Variants in PPP2R2D observed in about 807,000 individuals in gnomAD.
PPP2R2D encodes protein phosphatase 2 regulatory subunit Bdelta.
Under a neutral mutation model 31.1 loss-of-function variants are expected in PPP2R2D, and 9 were observed. The observed-to-expected ratio is 0.29, with a 90% CI of 0.17 to 0.51. The LOEUF (loss-of-function observed/expected upper bound fraction) is 0.51. Ranked by LOEUF, PPP2R2D falls within the 20% of genes least tolerant of loss-of-function variation. The probability of loss-of-function intolerance (pLI) is 0.98; values close to 1 mark genes in which losing one functional copy is unlikely to be tolerated. For synonymous variants in PPP2R2D, 179 were observed against 172.6 expected, an observed-to-expected ratio of 1.04 and a Z score of -0.29; for missense variants, 391 against 465.6, an observed-to-expected ratio of 0.84 and a Z score of 1.48.
intron 3 of PPP2R2D, among the ~76,000 whole-genome samples, chr10:131,935,162 C>T: frequency 6.6e-6 from 1 of 152,190 alleles, no homozygotes; most frequent in East Asian, 1.9e-4. Context: ...CCTTGCCAGC[C>T]CCCTCCCTCT....
chr10:131,952,280 C>CG (rs1554898956), intron 8 of PPP2R2D, among the ~76,000 whole-genome samples: 1 of 66,384 alleles, frequency 1.5e-5, no homozygotes, highest in Non-Finnish European at 2.7e-5. Flanking sequence ...TGCGGGTGTG[C>CG]GGGGGTTCAC....
In PPP2R2D at chr10:131,945,657, AC is replaced by A; in HGVS notation, c.820+200del. On this transcript the variant is annotated intron_variant, in intron 7 of 8. Coordinates refer to ENST00000455566, the MANE Select transcript of PPP2R2D (RefSeq NM_018461.5). The surrounding 1 kb of genome is among the most constrained non-coding windows in gnomAD (Gnocchi z 4.8). ...GTATTTTTAGTACAGACAGGGTTTC[AC>A]CATGTTGACCAGACTGGTCTGACCT... is the stretch of plus-strand genomic sequence containing the variant. 1.6e-6 allele frequency: 1 copy of A among 610,886 alleles called. No homozygotes were observed. Among genetic ancestry groups the A allele is most frequent in the Non-Finnish European group, 2.8e-6 (1 of 359,518 alleles). The allele number at this position is 610,886 out of a possible 1,614,324, so 37.8% of individuals were successfully genotyped here. A position where few individuals can be genotyped will look rare whatever the true frequency, so the allele number is the denominator to read the frequency against.
rs1375192493 is a variant in PPP2R2D, at chr10:131,913,179, G to A, written c.100+11849G>A. ...TGATTACAGGGATGCCACCATGCCC[G>A]GCTAATTTTTTTTTTTTTTTTTTGT... On this transcript the variant is annotated intron_variant, in intron 2 of 8. Transcript: ENST00000455566. 7.9e-5 allele frequency among the ~76,000 whole-genome samples: 11 copies of A among 139,702 alleles called. No individual in the cohort carries two copies. The East Asian group carries it at 1.4e-3, about 18-fold the overall frequency. The allele number at this position is 139,702 out of a possible 152,430, so 91.6% of individuals were successfully genotyped here. A position where few individuals can be genotyped will look rare whatever the true frequency, so the allele number is the denominator to read the frequency against.
At position 131,932,646 on chromosome 10, in the gene PPP2R2D, CAAA is replaced by C. The variant is rs368610703; in HGVS notation, c.101-1792_101-1790del. On this transcript the variant is annotated intron_variant, in intron 2 of 8. Coordinates refer to ENST00000455566, the MANE Select transcript of PPP2R2D (RefSeq NM_018461.5). ...CGCGCCACTGTACTCCAGCCTGTCTCAAAAAAAAAAAAAAAAAAAAAACACACA... is the reference window on the plus strand; with the variant it reads ...CGCGCCACTGTACTCCAGCCTGTCTCAAAAAAAAAAAAAAAAAAACACACA... 6.7e-3 allele frequency among the ~76,000 whole-genome samples: 389 copies of C among 57,842 alleles called. 2 individuals carry two copies. The highest frequency in any genetic ancestry group is 0.015 in the South Asian group (17 of 1,100). The allele number at this position is 57,842 out of a possible 152,430, so 37.9% of individuals were successfully genotyped here. A position where few individuals can be genotyped will look rare whatever the true frequency, so the allele number is the denominator to read the frequency against.
At position 131,940,657 on chromosome 10, in the gene PPP2R2D, G is replaced by A; in HGVS notation, c.440G>A (p.Gly147Glu). 1.3e-6 allele frequency: 1 copy of A among 778,738 alleles called. No homozygotes were observed. The highest frequency in any genetic ancestry group is 2.3e-4 in the Middle Eastern group (1 of 4,442). The allele number at this position is 778,738 out of a possible 1,614,324, so 48.2% of individuals were successfully genotyped here. Residue 147 changes from glycine to glutamate, a missense_variant, in exon 5 of 9, where the codon GGA (glycine) becomes GAA (glutamate). Coordinates refer to ENST00000455566, the MANE Select transcript of PPP2R2D (RefSeq NM_018461.5). ...GGTTATAACCTGAAAGACGAAGATGGAAGACTTCGAGACCCATTTAGGATC... is the reference window on the plus strand; with the variant it reads ...GGTTATAACCTGAAAGACGAAGATGAAAGACTTCGAGACCCATTTAGGATC... The part of the protein sequence containing the change: ...AEGYNLKDED[G>E]RLRDPFRITA...
the PPP2R2D span, chr10:131,967,369 A>T: frequency 1.3e-5 from 2 of 152,244 alleles, no homozygotes; most frequent in African/African-American, 4.8e-5. Context: ...AATTCCCTTG[A>T]CCATCGTGCT....
At chr10:131,928,355 G>A (rs1554895224) in intron 2 of PPP2R2D, among the ~76,000 whole-genome samples, 4 of 152,216 alleles carry the variant, frequency 2.6e-5, no homozygotes, top group Non-Finnish European at 5.9e-5. Flanking sequence ...CAGGAAGTGT[G>A]TTTAAATGAC....
At chr10:131,914,523 C>T (rs1554892815) in intron 2 of PPP2R2D, among the ~76,000 whole-genome samples, 2 of 152,160 alleles carry the variant, frequency 1.3e-5, no homozygotes, top group African/African-American at 4.8e-5. Context: ...AGGAATCCTA[C>T]AGGAAATAGG....
chr10:131,935,641 C>T (rs116795685), intron 3 of PPP2R2D, among the ~76,000 whole-genome samples: 1 of 152,296 alleles, frequency 6.6e-6, no homozygotes, highest in African/African-American at 2.4e-5. Context: ...CCTGTTTTCT[C>T]TGATTTGGGA....
At chr10:131,968,719 CTG>C in the PPP2R2D span, 1 of 598,394 alleles carries the variant, frequency 1.7e-6, no homozygotes, top group Non-Finnish European at 3.0e-6. Context: ...ATGAATCTAT[CTG>C]TGATCTTTTA....
intron 2 of PPP2R2D, among the ~76,000 whole-genome samples, chr10:131,931,576 G>T (rs187387347): frequency 2.2e-4 from 34 of 152,334 alleles, no homozygotes; most frequent in African/African-American, 7.7e-4. Flanking sequence ...TCGAACTCCT[G>T]ACCTCAGGTG....
chr10:131,943,649 G>T (rs2036481697), intron 5 of PPP2R2D, among the ~76,000 whole-genome samples: 1 of 152,204 alleles, frequency 6.6e-6, no homozygotes. Context: ...GCCTCAGTGT[G>T]GCCACTGGAG....
At chr10:131,924,829 T>G (rs2036071385) in intron 2 of PPP2R2D, among the ~76,000 whole-genome samples, 1 of 152,116 alleles carries the variant, frequency 6.6e-6, no homozygotes, top group African/African-American at 2.4e-5. Flanking sequence ...CTTTAATTTT[T>G]TTTTTTACAA....
intron 3 of PPP2R2D, among the ~76,000 whole-genome samples, chr10:131,935,727 A>AT (rs35491993): frequency 0.19 from 29,144 of 152,094 alleles, 3,099 homozygotes; most frequent in South Asian, 0.26. Context: ...ATAATTTTGC[A>AT]TTTTTATCTC....
At chr10:131,925,062 C>T (rs1426220425) in intron 2 of PPP2R2D, among the ~76,000 whole-genome samples, 1 of 152,140 alleles carries the variant, frequency 6.6e-6, no homozygotes, top group African/African-American at 2.4e-5. Context: ...TTGTGGATTC[C>T]TTAGGATTTC....
chr10:131,959,950 C>T (rs552570148), downstream of PPP2R2D: 10 of 152,358 alleles, frequency 6.6e-5, no homozygotes, highest in East Asian at 1.7e-3. Flanking sequence ...AGGCGGGTCC[C>T]GTGTGTAGAG....
intron 2 of PPP2R2D, among the ~76,000 whole-genome samples, chr10:131,913,184 A>ATTTTTTTTTTTTT (rs36188479): frequency 7.4e-6 from 1 of 134,834 alleles, no homozygotes; most frequent in Non-Finnish European, 1.6e-5. Context: ...TGCCCGGCTA[A>ATTTTTTTTTTTTT]TTTTTTTTTT....
chr10:131,901,478 C>T lies in PPP2R2D; in HGVS notation c.100+148C>T, dbSNP rs2035494628. ...AGGGGCCAGGGGCCGAGCTGGGGGC[C>T]GTGATCGGGGGGCGGCCGTCCTCTG... On this transcript the variant is annotated intron_variant, in intron 2 of 8. Coordinates refer to ENST00000455566, the MANE Select transcript of PPP2R2D (RefSeq NM_018461.5). The T allele has an allele frequency of 1.6e-5, 5 of 319,190 alleles. 1 individual carries two copies. In the South Asian group the frequency reaches 5.9e-4, roughly 38 times the overall value. The allele number at this position is 319,190 out of a possible 1,614,324, so 19.8% of individuals were successfully genotyped here.
At chr10:131,910,501 G>C (rs2035665139) in intron 2 of PPP2R2D, among the ~76,000 whole-genome samples, 1 of 152,184 alleles carries the variant, frequency 6.6e-6, no homozygotes, top group African/African-American at 2.4e-5. Context: ...TCTGTGAAGT[G>C]AGGGACGCAG....
Sources: gnomAD v4.1 joint callset for allele counts (sites outside exome capture counted in the v4.1 genomes callset) on GRCh38, gnomAD v4.1.1 for gene constraint, Gnocchi (gnomAD v3.1) non-coding constraint, MANE v1.5 for transcripts, NCBI Gene and HGNC (gene_info 2026-07-23, HGNC 2026-07-21) for gene names.